GGT1: variants seen among roughly 807,000 people sequenced by gnomAD.
GGT1 encodes the protein glutathione hydrolase 1 proenzyme.
GGT1 carries 21 observed loss-of-function variants against 56.0 expected under a neutral mutation model. That is an observed-to-expected ratio of 0.38 (90% CI 0.27 to 0.54). The LOEUF is 0.54. Among genes scored for constraint, GGT1 ranks in the 20% least tolerant of loss-of-function variants. The pLI, the probability that GGT1 is intolerant of heterozygous loss-of-function variation, is 0.82. For missense variants in GGT1, 466 were observed against 787.0 expected (o/e 0.59, Z 4.88); for synonymous variants, 238 against 342.6 (o/e 0.69, Z 3.37).
the GGT1 span, chr22:24,586,164 T>C: frequency 1.2e-6 from 2 of 1,613,568 alleles, no homozygotes; most frequent in Non-Finnish European, 1.7e-6. Context: ...TTGCGGGCAG[T>C]GGCCCGCGTC....
the GGT1 span, among the ~76,000 whole-genome samples, chr22:24,586,705 A>G: frequency 3.3e-5 from 5 of 152,120 alleles, no homozygotes; most frequent in Admixed American, 2.6e-4. Context: ...CTAATTTTGT[A>G]TTTTTAGTAG....
In GGT1 at chr22:24,620,860, G is replaced by C; in HGVS notation, c.576-53G>C. Reference sequence around the variant, plus strand: ...CCTGTGTGGACGGGTGTGAGGGGTGGTCTAGCTGAGTCCACCCCACCTGCT... The same window carrying C: ...CCTGTGTGGACGGGTGTGAGGGGTGCTCTAGCTGAGTCCACCCCACCTGCT... On this transcript the variant is annotated intron_variant, in intron 8 of 15. Transcript: ENST00000400382. This position sits in a 1 kb window ranked among gnomAD's most constrained non-coding sequence, Gnocchi z 5.6. The C allele has an allele frequency of 6.2e-7, 1 of 1,603,136 alleles. No individual in the cohort carries two copies. The highest frequency in any genetic ancestry group is 8.5e-7 in the Non-Finnish European group (1 of 1,175,090).
At chr22:24,607,633 T>A (rs1274113006) in intron 1 of GGT1, 1 of 161,776 alleles carries the variant, frequency 6.2e-6, no homozygotes, top group Admixed American at 6.4e-5. Flanking sequence ...CCAGCCAGGC[T>A]GGACCTCCGT....
In GGT1 at chr22:24,620,885, T is replaced by G; in HGVS notation, c.576-28T>G. The G allele has an allele frequency of 6.2e-7, 1 of 1,610,758 alleles. No homozygotes were observed. Reference sequence around the variant, plus strand: ...GTCTAGCTGAGTCCACCCCACCTGCTGCCTCACATGAGCCCCCTCTGCCCC... The same window carrying G: ...GTCTAGCTGAGTCCACCCCACCTGCGGCCTCACATGAGCCCCCTCTGCCCC... On this transcript the variant is annotated intron_variant, in intron 8 of 15. Coordinates refer to ENST00000400382, the MANE Select transcript of GGT1 (RefSeq NM_001288833.2). The surrounding 1 kb of genome is among the most constrained non-coding windows in gnomAD (Gnocchi z 5.6).
At chr22:24,622,405 T>C (rs1338984654) in intron 9 of GGT1, among the ~76,000 whole-genome samples, 1 of 151,316 alleles carries the variant, frequency 6.6e-6, no homozygotes, top group Non-Finnish European at 1.5e-5. Flanking sequence ...CTACTAAAAA[T>C]ACAAAAAAAT....
rs866042954 is a variant in GGT1, at chr22:24,624,680, C to T, written c.1020+764C>T. 1.3e-5 allele frequency: 13 copies of T among 982,852 alleles called. 1 individual carries two copies. The Middle Eastern group carries it at 1.6e-3, about 117-fold the overall frequency. 60.9% of individuals were successfully genotyped at this position (982,852 alleles called of 1,614,324 possible). A position where few individuals can be genotyped will look rare whatever the true frequency, so the allele number is the denominator to read the frequency against. ...CAGCTCCTTCATCTACTCGCTGGCT[C>T]GGGGTGCTGTTCCTACAATGCTCCT... On this transcript the variant is annotated intron_variant, in intron 11 of 15. Transcript: ENST00000400382.
upstream of GGT1, chr22:24,592,454 T>C (rs1309935436): frequency 2.1e-6 from 1 of 469,454 alleles, no homozygotes. Context: ...CCTCTTCCAT[T>C]GTCTCTCAAT....
upstream of GGT1, among the ~76,000 whole-genome samples, chr22:24,598,606 T>A (rs2045733191): frequency 6.6e-6 from 1 of 151,820 alleles, no homozygotes; most frequent in African/African-American, 2.4e-5. Flanking sequence ...CAGGCTGGAG[T>A]ACAGTGGCAC....
In GGT1 at chr22:24,623,328, C is replaced by T. The variant is rs1310005269; in HGVS notation, c.883+72C>T. 548 of 1,421,914 alleles carry T rather than the reference C, an allele frequency of 3.9e-4. 15 individuals carry two copies. In the South Asian group the frequency reaches 6.4e-3, roughly 17 times the overall value. The allele number at this position is 1,421,914 out of a possible 1,614,324, so 88.1% of individuals were successfully genotyped here. A position where few individuals can be genotyped will look rare whatever the true frequency, so the allele number is the denominator to read the frequency against. On this transcript the variant is annotated intron_variant, in intron 10 of 15. Transcript: ENST00000400382. ...TCTCTCTCCCCACGCCCCACCCCTC[C>T]TGCATCTCTGCTCGCCCCCCATGCC...
chr22:24,604,136 A>G (rs1044653393), intron 1 of GGT1, among the ~76,000 whole-genome samples: 1 of 143,938 alleles, frequency 6.9e-6, no homozygotes, highest in African/African-American at 2.5e-5. Flanking sequence ...GGAAGACGCC[A>G]GAGATCTGTG....
At chr22:24,592,762 C>A, upstream of GGT1, 1 of 1,278,048 alleles carries the variant, frequency 7.8e-7, no homozygotes, top group Non-Finnish European at 9.9e-7. Context: ...CGCCTCCCGG[C>A]GGATACAGGC....
At chr22:24,626,298 G>A (rs1337477961) in intron 11 of GGT1, among the ~76,000 whole-genome samples, 1 of 142,396 alleles carries the variant, frequency 7.0e-6, no homozygotes, top group Non-Finnish European at 1.5e-5. Flanking sequence ...ACAGGCGTGA[G>A]CCACCGCGCC....
chr22:24,586,451 G>A, the GGT1 span: 1 of 1,577,152 alleles, frequency 6.3e-7, no homozygotes, highest in Non-Finnish European at 8.6e-7. Context: ...TAGGCAACCA[G>A]GCAGTCCCCC....
At chr22:24,616,973 T>A (rs9612676) in intron 7 of GGT1, among the ~76,000 whole-genome samples, 58,373 of 152,006 alleles carry the variant, frequency 0.38, 11,648 homozygotes, top group Middle Eastern at 0.53. Flanking sequence ...TTATTTAACT[T>A]GAATGTATTG....
upstream of GGT1, chr22:24,592,661 C>T: frequency 2.3e-6 from 2 of 857,108 alleles, no homozygotes; most frequent in Non-Finnish European, 3.3e-6. Context: ...TCACTCCAGG[C>T]GGTCGCCCTC....
At position 24,605,104 on chromosome 22, in the gene GGT1, ATATTATATATTATATAATATGTAATATAT is replaced by A. The variant is rs1372831021; in HGVS notation, c.-429+1581_-429+1609del. Reference sequence around the variant, plus strand: ...TAAAGTATATTATATAATATGTATTATATTATATATTATATAATATGTAATATATTATATAATATATAATATGTATTATA... The same window carrying A: ...TAAAGTATATTATATAATATGTATTATATATAATATATAATATGTATTATA... On this transcript the variant is annotated intron_variant, in intron 1 of 15. Coordinates refer to ENST00000400382, the MANE Select transcript of GGT1 (RefSeq NM_001288833.2). 1.4e-4 allele frequency among the ~76,000 whole-genome samples: 5 copies of A among 36,164 alleles called. 1 individual carries two copies. Among genetic ancestry groups the A allele is most frequent in the South Asian group, 8.4e-4 (1 of 1,196 alleles). The allele number at this position is 36,164 out of a possible 152,430, so 23.7% of individuals were successfully genotyped here. A position where few individuals can be genotyped will look rare whatever the true frequency, so the allele number is the denominator to read the frequency against.
intron 1 of GGT1, chr22:24,597,992 GC>G (rs886202183): frequency 2.6e-5 from 4 of 152,186 alleles, no homozygotes; most frequent in African/African-American, 4.8e-5. Context: ...GGGTTCCAAG[GC>G]CCCCTCTTTG....
intron 10 of GGT1, 46 bp from the exon 11 acceptor site, chr22:24,623,734 A>C (rs1569063870): frequency 6.3e-7 from 1 of 1,586,446 alleles, no homozygotes; most frequent in East Asian, 2.2e-5. Context: ...TGAGCCCCTC[A>C]GAGCCTCTGG....
chr22:24,605,082 AGTATATT>A (rs2045967555), intron 1 of GGT1, among the ~76,000 whole-genome samples: 2 of 24,124 alleles, frequency 8.3e-5, no homozygotes, highest in African/African-American at 7.0e-4. Flanking sequence ...TAATATATAA[AGTATATT>A]ATATAATATG....
Sources: allele counts gnomAD v4.1 joint callset (sites outside exome capture counted in the v4.1 genomes callset), GRCh38; gene constraint gnomAD v4.1.1; non-coding constraint Gnocchi (gnomAD v3.1); transcripts MANE v1.5; gene names NCBI Gene and HGNC (gene_info 2026-07-23, HGNC 2026-07-21).